The following HDAC4 variants were observed in gnomAD, a reference collection of about 807,000 sequenced individuals.
The protein encoded by HDAC4 is histone deacetylase A.
Under a neutral mutation model 135.1 loss-of-function variants are expected in HDAC4, and 16 were observed. The ratio of observed to expected loss-of-function variants is 0.12; its 90% confidence interval spans 0.08 to 0.18. The LOEUF (loss-of-function observed/expected upper bound fraction) is 0.18, where lower values mean the gene tolerates loss of function less well. Ranked by LOEUF, HDAC4 falls within the 10% of genes least tolerant of loss-of-function variation. The probability of loss-of-function intolerance (pLI) is 1.00; values close to 1 mark genes in which losing one functional copy is unlikely to be tolerated. For synonymous variants in HDAC4, 685 were observed against 653.4 expected (o/e 1.05, Z -0.74); for missense variants, 1,143 against 1,511.8 (o/e 0.76, Z 4.05).
chr2:239,214,313 T>A (rs2046503333), intron 3 of HDAC4, among the ~76,000 whole-genome samples: 1 of 152,084 alleles, frequency 6.6e-6, no homozygotes, highest in African/African-American at 2.4e-5. Context: ...TCTGCATACC[T>A]CCTCTGACTC....
chr2:239,370,088 G>A (rs988377890), intron 1 of HDAC4, among the ~76,000 whole-genome samples: 1 of 152,254 alleles, frequency 6.6e-6, no homozygotes, highest in African/African-American at 2.4e-5. Flanking sequence ...CAGGACGGCA[G>A]GCCGTCTGCC....
At chr2:239,238,911 C>T (rs956611538) in intron 2 of HDAC4, among the ~76,000 whole-genome samples, 1 of 152,186 alleles carries the variant, frequency 6.6e-6, no homozygotes, top group Non-Finnish European at 1.5e-5. Flanking sequence ...GGTCCGCGTC[C>T]CACCTACCCT....
At chr2:239,075,217 C>A (rs1248560699) in intron 22 of HDAC4, among the ~76,000 whole-genome samples, 1 of 116,100 alleles carries the variant, frequency 8.6e-6, no homozygotes, top group Non-Finnish European at 1.7e-5. Flanking sequence ...GAATGAGACT[C>A]CGTCTCAAAA....
chr2:239,112,853 A>G (rs1369793602), intron 13 of HDAC4, among the ~76,000 whole-genome samples: 1 of 152,194 alleles, frequency 6.6e-6, no homozygotes, highest in Non-Finnish European at 1.5e-5. Context: ...CAGCTCCTGT[A>G]TGAAGGCAGA....
chr2:239,388,387 C>A (rs998224761), intron 1 of HDAC4, among the ~76,000 whole-genome samples: 1 of 152,206 alleles, frequency 6.6e-6, no homozygotes, highest in Non-Finnish European at 1.5e-5. Context: ...GAGGCAGATG[C>A]GGTCAGTGCG....
intron 8 of HDAC4, 101 bp downstream of exon 8, chr2:239,144,482 C>A: frequency 6.8e-7 from 1 of 1,465,196 alleles, no homozygotes; most frequent in Non-Finnish European, 9.5e-7. Flanking sequence ...CAGCGTGAGG[C>A]AGACACGTGG....
In HDAC4 at chr2:239,147,334, G is replaced by A. The variant is rs571771558; in HGVS notation, c.734-2620C>T. On this transcript the variant is annotated intron_variant, in intron 7 of 26. Transcript: ENST00000543185. ...TGCCCTCCCTCATTACTTCCAGGCCGGGCATCTCATAGATTGACTTAAGAC... is the reference window on the plus strand; with the variant it reads ...TGCCCTCCCTCATTACTTCCAGGCCAGGCATCTCATAGATTGACTTAAGAC... 7.2e-5 allele frequency among the ~76,000 whole-genome samples: 11 copies of A among 152,344 alleles called. No homozygotes were observed. In the South Asian group the frequency reaches 1.7e-3, roughly 23 times the overall value.
rs575601802 is a variant in HDAC4 at position 239,114,515 on chromosome 2, CCTT to C, written c.1791+535_1791+537del. On this transcript the variant is annotated intron_variant, in intron 13 of 26. Transcript: ENST00000543185. ...TGGAAATTAACCAGTCATTCACTGG[CCTT>C]CTTCATCAGTCTCCTGTGAGTTTGG... Among the ~76,000 whole-genome samples the C allele has an allele frequency of 1.6e-4, 24 of 152,330 alleles. No homozygotes were observed. The South Asian group carries it at 5.0e-3, about 32-fold the overall frequency.
chr2:239,161,901 C>T (rs911999674), intron 6 of HDAC4: 4 of 366,008 alleles, frequency 1.1e-5, no homozygotes, highest in African/African-American at 8.5e-5. Flanking sequence ...CACTTCTTCT[C>T]CCGTGGCCTC....
intron 3 of HDAC4, among the ~76,000 whole-genome samples, chr2:239,209,850 C>T (rs932874725): frequency 6.6e-6 from 1 of 152,174 alleles, no homozygotes; most frequent in African/African-American, 2.4e-5. Flanking sequence ...GGGTTGGTCA[C>T]AGAAGACCCT....
chr2:239,400,139 G>A lies in HDAC4; in HGVS notation c.-220+839C>T, dbSNP rs1409471008. 2.0e-5 allele frequency among the ~76,000 whole-genome samples: 3 copies of A among 151,448 alleles called. No homozygotes were observed. Among genetic ancestry groups the A allele is most frequent in the Admixed American group, 2.0e-4 (3 of 15,224 alleles). ...CGGATCCCACCCCCGAGCGGGACCG[G>A]GCCCCGTCTCGGCCTGCTGGCGCCC... On this transcript the variant is annotated intron_variant, in intron 1 of 26. Transcript: ENST00000543185. The surrounding 1 kb of genome is among the most constrained non-coding windows in gnomAD (Gnocchi z 4.7).
chr2:239,203,138 G>A (rs1434475481), intron 3 of HDAC4, among the ~76,000 whole-genome samples: 1 of 152,196 alleles, frequency 6.6e-6, no homozygotes, highest in Non-Finnish European at 1.5e-5. Flanking sequence ...GGCCTGACCT[G>A]TCCACTGGTC....
chr2:239,172,321 A>C (rs1198343722), intron 5 of HDAC4, among the ~76,000 whole-genome samples: 3 of 149,084 alleles, frequency 2.0e-5, no homozygotes, highest in African/African-American at 7.4e-5. Flanking sequence ...TATATATATC[A>C]CTAAAAACAT....
At chr2:239,280,444 G>A (rs1374504774) in intron 2 of HDAC4, among the ~76,000 whole-genome samples, 1 of 152,180 alleles carries the variant, frequency 6.6e-6, no homozygotes, top group Non-Finnish European at 1.5e-5. Context: ...TGACTCAGCC[G>A]TGCCGACTGG....
chr2:239,258,820 C>G (rs2049189198), intron 2 of HDAC4, among the ~76,000 whole-genome samples: 1 of 152,218 alleles, frequency 6.6e-6, no homozygotes, highest in South Asian at 2.1e-4. Context: ...TCTAGGCAAT[C>G]ATGTTCAATG....
chr2:239,205,686 AGAG>A (rs142632861), intron 3 of HDAC4, among the ~76,000 whole-genome samples: 180 of 151,670 alleles, frequency 1.2e-3, no homozygotes, highest in Admixed American at 2.3e-3. Context: ...AGAAGAAGGA[AGAG>A]GAGGAGGAGG....
At chr2:239,282,536 CCA>C (rs1299077160) in intron 2 of HDAC4, among the ~76,000 whole-genome samples, 1 of 146,818 alleles carries the variant, frequency 6.8e-6, no homozygotes, top group Admixed American at 6.8e-5. Flanking sequence ...AATGTACACA[CCA>C]CTCTCAATGT....
chr2:239,354,826 T>C (rs534282057), intron 1 of HDAC4, among the ~76,000 whole-genome samples: 22 of 152,206 alleles, frequency 1.4e-4, no homozygotes, highest in Non-Finnish European at 2.8e-4. Flanking sequence ...AGACATTTTC[T>C]TGAAGGGAAT....
chr2:239,183,394 A>G (rs2044278023), intron 4 of HDAC4, among the ~76,000 whole-genome samples: 1 of 152,268 alleles, frequency 6.6e-6, no homozygotes, highest in Non-Finnish European at 1.5e-5. Context: ...CCGCGCCCGC[A>G]TAAAGCGGCA....
Sources: gnomAD v4.1 joint callset for allele counts (sites outside exome capture counted in the v4.1 genomes callset) on GRCh38, gnomAD v4.1.1 for gene constraint, Gnocchi (gnomAD v3.1) non-coding constraint, MANE v1.5 for transcripts, NCBI Gene and HGNC (gene_info 2026-07-23, HGNC 2026-07-21) for gene names.